The following AKAP19 variants were observed in gnomAD, a reference collection of about 807,000 sequenced individuals.
AKAP19 encodes the protein A-kinase anchoring protein 19.
chr2:190,067,669 G>A, the AKAP19 span, among the ~76,000 whole-genome samples: 1 of 152,154 alleles, frequency 6.6e-6, no homozygotes, highest in East Asian at 1.9e-4. Flanking sequence ...TCTTCAGAAG[G>A]TCTTGAGGTG....
the AKAP19 span, chr2:190,060,178 C>A: frequency 6.2e-7 from 1 of 1,613,044 alleles, no homozygotes; most frequent in South Asian, 1.1e-5. Context: ...TTTTGCAACA[C>A]TGTCTTCACA....
chr2:190,102,411 T>G, the AKAP19 span, among the ~76,000 whole-genome samples: 3 of 151,922 alleles, frequency 2.0e-5, no homozygotes, highest in Non-Finnish European at 4.4e-5. Flanking sequence ...GTTGATCCTT[T>G]GAAAGGATAA....
the AKAP19 span, among the ~76,000 whole-genome samples, chr2:189,904,576 T>C: frequency 3.3e-5 from 5 of 152,054 alleles, no homozygotes; most frequent in Non-Finnish European, 7.4e-5. Context: ...CATTATCGTT[T>C]TGAGGACAAA....
chr2:190,029,839 C>T, the AKAP19 span, among the ~76,000 whole-genome samples: 1 of 152,244 alleles, frequency 6.6e-6, no homozygotes, highest in South Asian at 2.1e-4. Flanking sequence ...CCCATGCATA[C>T]ACACACAGAC....
the AKAP19 span, among the ~76,000 whole-genome samples, chr2:190,146,864 T>G: frequency 6.6e-6 from 1 of 152,152 alleles, no homozygotes; most frequent in South Asian, 2.1e-4. Context: ...TTTTTCTTAC[T>G]GATTTGTTTG....
chr2:189,959,413 A>G, the AKAP19 span, among the ~76,000 whole-genome samples: 2 of 152,140 alleles, frequency 1.3e-5, no homozygotes, highest in African/African-American at 4.8e-5. Flanking sequence ...TAACAGATCA[A>G]TTTATTCTTT....
chr2:189,981,273 CT>C, the AKAP19 span, among the ~76,000 whole-genome samples: 29,387 of 128,780 alleles, frequency 0.23, 3,182 homozygotes, highest in African/African-American at 0.35. Context: ...CCTTCTTTGT[CT>C]TTTTTTTTTT....
the AKAP19 span, among the ~76,000 whole-genome samples, chr2:190,122,442 C>A: frequency 3.3e-5 from 5 of 152,162 alleles, no homozygotes; most frequent in Non-Finnish European, 5.9e-5. Context: ...TTGTCAAAAC[C>A]ACTGTAGTTT....
At chr2:189,953,854 T>C in the AKAP19 span, among the ~76,000 whole-genome samples, 39 of 152,054 alleles carry the variant, frequency 2.6e-4, no homozygotes, top group Admixed American at 1.3e-3. Flanking sequence ...GGCATTGGAG[T>C]CCACCTCTTA....
the AKAP19 span, among the ~76,000 whole-genome samples, chr2:189,900,769 G>A: frequency 2.0e-5 from 3 of 152,156 alleles, no homozygotes; most frequent in Non-Finnish European, 2.9e-5. Context: ...ATAAAGAAAG[G>A]CAGGTTTATT....
chr2:189,893,414 G>A, the AKAP19 span, among the ~76,000 whole-genome samples: 40 of 152,192 alleles, frequency 2.6e-4, 1 homozygote, highest in Admixed American at 2.6e-3. Context: ...TAGTATCTGG[G>A]CCAGAGTGCA....
chr2:190,041,922 A>AT, the AKAP19 span, among the ~76,000 whole-genome samples: 5 of 151,806 alleles, frequency 3.3e-5, no homozygotes, highest in African/African-American at 4.8e-5. Context: ...GTTTGCAAGT[A>AT]TTTTTTTTAA....
chr2:190,189,532 G>A, the AKAP19 span, among the ~76,000 whole-genome samples: 395 of 152,298 alleles, frequency 2.6e-3, 4 homozygotes, highest in Non-Finnish European at 8.7e-4. Context: ...GGCTAAACCA[G>A]CTGAAGGTTA....
chr2:189,927,883 G>C, the AKAP19 span, among the ~76,000 whole-genome samples: 2 of 152,068 alleles, frequency 1.3e-5, no homozygotes, highest in African/African-American at 4.8e-5. Context: ...TATTGTATTG[G>C]AGAGCATAGA....
chr2:190,202,957 CA>C, the AKAP19 span: 1 of 166,988 alleles, frequency 6.0e-6, no homozygotes, highest in Admixed American at 6.5e-5. Context: ...CAGTTCTTTG[CA>C]ATCTGCCTGT....
At chr2:189,986,427 A>G in the AKAP19 span, among the ~76,000 whole-genome samples, 1 of 152,136 alleles carries the variant, frequency 6.6e-6, no homozygotes, top group Non-Finnish European at 1.5e-5. Context: ...ACAAAAAAAA[A>G]AAGGAATCAT....
chr2:190,157,799 G>C, the AKAP19 span, among the ~76,000 whole-genome samples: 2 of 152,132 alleles, frequency 1.3e-5, no homozygotes, highest in South Asian at 2.1e-4. Flanking sequence ...AAAAGGTTTA[G>C]TTATTACATA....
the AKAP19 span, among the ~76,000 whole-genome samples, chr2:190,011,833 G>T: frequency 0.6 from 91,580 of 151,616 alleles, 31,223 homozygotes; most frequent in South Asian, 0.78. Flanking sequence ...GATTACTATG[G>T]CTTTGCAATA....
the AKAP19 span, among the ~76,000 whole-genome samples, chr2:190,038,219 G>A: frequency 6.6e-6 from 1 of 152,214 alleles, no homozygotes; most frequent in Non-Finnish European, 1.5e-5. Flanking sequence ...GGCACCTGCT[G>A]TTGATGACCA....
Sources: allele counts gnomAD v4.1 joint callset (sites outside exome capture counted in the v4.1 genomes callset), GRCh38; gene constraint gnomAD v4.1.1; transcripts MANE v1.5; gene names NCBI Gene and HGNC (gene_info 2026-07-23, HGNC 2026-07-21).